The following COL6A1 variants were observed in gnomAD, a reference collection of about 807,000 sequenced individuals.
COL6A1 encodes the protein collagen type VI alpha 1 chain.
Under a neutral mutation model 145.6 loss-of-function variants are expected in COL6A1, and 80 were observed. The ratio of observed to expected loss-of-function variants is 0.55; its 90% CI spans 0.46 to 0.66. The LOEUF is 0.66. Among genes scored for constraint, COL6A1 ranks in the 30% least tolerant of loss-of-function variants. The pLI, the probability that COL6A1 is intolerant of heterozygous loss-of-function variation, is 0.00. For synonymous variants in COL6A1, 638 were observed against 622.8 expected, an observed-to-expected ratio of 1.02 and a Z score of -0.36; for missense variants, 1,364 against 1,473.8, an observed-to-expected ratio of 0.93 and a Z score of 1.22.
intron 20 of COL6A1, among the ~76,000 whole-genome samples, chr21:45,996,811 T>C (rs1014445606): frequency 1.3e-5 from 2 of 152,080 alleles, no homozygotes; most frequent in Non-Finnish European, 2.9e-5. Context: ...GCTCTGGAAA[T>C]AGACCCCCAC....
At chr21:45,984,865 AACAGAG>A (rs1244733063) in intron 3 of COL6A1, among the ~76,000 whole-genome samples, 2 of 148,364 alleles carry the variant, frequency 1.3e-5, no homozygotes, top group African/African-American at 5.0e-5. Context: ...CAGAGACAGA[AACAGAG>A]ACAGAGGGAC....
intron 30 of COL6A1, 145 bp downstream of exon 30, chr21:46,001,531 C>T (rs993915518): frequency 1.3e-5 from 15 of 1,149,210 alleles, no homozygotes; most frequent in African/African-American, 4.5e-5. Context: ...GCCAGGCACG[C>T]GCCAGCCCGT....
At position 46,003,635 on chromosome 21, in the gene COL6A1, C is replaced by T. The variant is rs139018148; in HGVS notation, c.2709C>T (p.Ala903=). ...AGAACTACACGGCCCTGGCCAGTGC[C>T]GTCGATGCCATGGACTTTATCAACG... ...FLQNYTALAS[A]VDAMDFINDA... Residue 903 remains alanine, a synonymous_variant, in exon 35 of 35, where the codon GCC becomes GCT. Coordinates refer to ENST00000361866, the MANE Select transcript of COL6A1 (RefSeq NM_001848.3). The T allele has an allele frequency of 2.2e-5, 35 of 1,612,918 alleles. No individual in the cohort carries two copies. Among genetic ancestry groups the T allele is most frequent in the African/African-American group, 8.0e-5 (6 of 74,934 alleles).
At chr21:45,982,377 C>G (rs943681988) in intron 1 of COL6A1, among the ~76,000 whole-genome samples, 2 of 151,856 alleles carry the variant, frequency 1.3e-5, no homozygotes, top group Non-Finnish European at 2.9e-5. Context: ...GGTCCCGTGC[C>G]GGGGACGCCC....
chr21:45,992,292 C>T (rs1476279027), intron 17 of COL6A1, 71 bp from the exon 18 acceptor site: 40 of 1,613,258 alleles, frequency 2.5e-5, no homozygotes, highest in Non-Finnish European at 3.4e-5. Context: ...TCGGGGTCTA[C>T]TCCACGTCCC....
intron 15 of COL6A1, among the ~76,000 whole-genome samples, 190 bp downstream of exon 15, chr21:45,991,231 G>A (rs1299060273): frequency 1.3e-5 from 2 of 152,246 alleles, no homozygotes; most frequent in African/African-American, 4.8e-5. Flanking sequence ...TGGGGACAGT[G>A]GCCGTGGCGC....
At chr21:45,985,059 GAGAC>G (rs1053624105) in intron 3 of COL6A1, among the ~76,000 whole-genome samples, 21 of 151,636 alleles carry the variant, frequency 1.4e-4, no homozygotes, top group African/African-American at 4.1e-4. Flanking sequence ...AAGACAGTCA[GAGAC>G]AGACAGAGAC....
intron 26 of COL6A1, 139 bp downstream of exon 26, chr21:45,999,357 C>T: frequency 1.1e-6 from 1 of 933,954 alleles, no homozygotes; most frequent in Non-Finnish European, 1.7e-6. Context: ...CTGGGAGGCC[C>T]TGGGGGTGGG....
Position 45,990,239 on chromosome 21 carries a change from C to T in COL6A1, c.931-19C>T. 2 of 1,612,826 alleles carry T rather than the reference C, an allele frequency of 1.2e-6. No homozygotes were observed. Among genetic ancestry groups the T allele is most frequent in the Non-Finnish European group, 1.7e-6 (2 of 1,180,000 alleles). On this transcript the variant is annotated intron_variant, in intron 11 of 34. Coordinates refer to ENST00000361866, the MANE Select transcript of COL6A1 (RefSeq NM_001848.3). ...CCCCACCCCAAATACCCCCTCACAC[C>T]CGCTTCCTGTCTCCGCAGGGCTCCA...
At position 46,002,024 on chromosome 21, in the gene COL6A1, G is replaced by A. The variant is rs1210543859; in HGVS notation, c.2020G>A (p.Val674Met). ...CAGCCACAGCCAGATGCAGGAGCAC[G>A]TGAGCCTGCGCAGCCCCAGCATCCG... ...QYSHSQMQEH[V>M]SLRSPSIRNV... The change falls in exon 31 of 35, where the codon GTG (valine) becomes ATG (methionine). Residue 674 changes from valine (V) to methionine (M), a missense_variant. By Grantham distance (21) the Val-to-Met change is conservative. Transcript: ENST00000361866. The A allele has an allele frequency of 3.1e-6, 5 of 1,612,508 alleles. No individual in the cohort carries two copies. The highest frequency in any genetic ancestry group is 4.2e-6 in the Non-Finnish European group (5 of 1,179,874).
chr21:45,992,773 G>A lies in COL6A1; in HGVS notation c.1298G>A (p.Arg433Gln), dbSNP rs151158105. The A allele has an allele frequency of 2.0e-3, 3,247 of 1,600,934 alleles. 8 individuals are homozygous for A. The highest frequency in any genetic ancestry group is 2.3e-3 in the Non-Finnish European group (2,716 of 1,174,480). ...GGTGGCCCTGGAGAGAGAGGACCAC[G>A]GGGGACCCCAGGCACGCGGGGACCA... ...ERGGPGERGP[R>Q]GTPGTRGPRG... Residue 433 changes from arginine to glutamine, a missense_variant, in exon 19 of 35, where the codon CGG (arginine) becomes CAG (glutamine). Physicochemically the swap from Arg to Gln is conservative, Grantham distance 43. Transcript: ENST00000361866.
chr21:45,991,111 C>A, intron 15 of COL6A1, 70 bp downstream of exon 15: 1 of 1,541,098 alleles, frequency 6.5e-7, no homozygotes, highest in South Asian at 1.1e-5. Context: ...GGAAACCTCT[C>A]CTGGAAGCAA....
Position 45,992,094 on chromosome 21 carries a change from A to C in COL6A1, c.1182+22A>C. On this transcript the variant is annotated intron_variant, in intron 16 of 34. Coordinates refer to ENST00000361866, the MANE Select transcript of COL6A1 (RefSeq NM_001848.3). ...CGAGGTGAGGAGCTTCACAGCCCCC[A>C]CACATGCCAGGTATGGGCCCAGGGA... 1.9e-6 allele frequency: 3 copies of C among 1,613,342 alleles called. No homozygotes were observed. The Admixed American group carries it at 5.0e-5, about 27-fold the overall frequency.
At chr21:45,995,860 C>G (rs572350203) in intron 20 of COL6A1, among the ~76,000 whole-genome samples, 3 of 152,184 alleles carry the variant, frequency 2.0e-5, no homozygotes, top group Non-Finnish European at 4.4e-5. Context: ...CCTTTCGGGG[C>G]CCGGGGGTGT....
rs777077720 is a variant in COL6A1 at position 45,986,580 on chromosome 21, C to G, written c.483C>G (p.Pro161=). ...TGATTGTGGTGACCGACGGGCACCC[C>G]CTGGAGGGCTACAAGGAACCCTGTG... ...KYLIVVTDGH[P]LEGYKEPCGG... is the part of the protein sequence containing the mutation. The change falls in exon 4 of 35, where the codon CCC becomes CCG. Residue 161 remains proline, a synonymous_variant. Transcript: ENST00000361866. 9.6e-6 allele frequency: 15 copies of G among 1,564,266 alleles called. No individual in the cohort carries two copies. The South Asian group carries it at 1.8e-4, about 18-fold the overall frequency.
chr21:45,998,320 G>A, intron 23 of COL6A1, 78 bp from the exon 24 acceptor site: 1 of 1,598,964 alleles, frequency 6.3e-7, no homozygotes, highest in Non-Finnish European at 8.5e-7. Context: ...GTCAGCTCAG[G>A]CCCTTCCGCT....
chr21:45,989,846 C>G, intron 11 of COL6A1, 68 bp downstream of exon 11: 1 of 1,598,278 alleles, frequency 6.3e-7, no homozygotes. Context: ...CGAGGGTGTC[C>G]CCGGGGATGA....
At chr21:45,988,861 G>C (rs1260900493) in intron 8 of COL6A1, among the ~76,000 whole-genome samples, 1 of 152,136 alleles carries the variant, frequency 6.6e-6, no homozygotes, top group African/African-American at 2.4e-5. Flanking sequence ...TGTGCCTGGG[G>C]GTCAGCAAAG....
In COL6A1 at chr21:45,999,138, G is replaced by A. The variant is rs763344899; in HGVS notation, c.1675-15G>A. The A allele has an allele frequency of 1.9e-4, 297 of 1,587,716 alleles. No individual in the cohort carries two copies. Among genetic ancestry groups the A allele is most frequent in the Non-Finnish European group, 2.5e-4 (287 of 1,167,710 alleles). On this transcript the variant is annotated splice_polypyrimidine_tract_variant and intron_variant, in intron 25 of 34. Transcript: ENST00000361866. ...GTGGTGCACGGTCTGTTGACACAAC[G>A]CTGTTCCCTTCTAGAACAACGACAT...
Sources: gnomAD v4.1 joint callset for allele counts (sites outside exome capture counted in the v4.1 genomes callset) on GRCh38, gnomAD v4.1.1 for gene constraint, MANE v1.5 for transcripts, NCBI Gene and HGNC (gene_info 2026-07-23, HGNC 2026-07-21) for gene names.